The following MPG variants were observed in gnomAD, a reference collection of about 807,000 sequenced individuals.
MPG encodes the protein DNA-3-methyladenine glycosylase.
In MPG, 33 loss-of-function variants were observed where a neutral mutation model predicts 31.7. That is an observed-to-expected ratio of 1.04 (90% CI 0.79 to 1.39). The LOEUF (loss-of-function observed/expected upper bound fraction) is 1.39, where lower values mean the gene tolerates loss of function less well. MPG is among the 40% of genes most tolerant of loss of function. The pLI is 0.00. For missense variants in MPG, 455 were observed against 415.5 expected, an observed-to-expected ratio of 1.10 and a Z score of -0.83; for synonymous variants, 202 against 169.2, an observed-to-expected ratio of 1.19 and a Z score of -1.51.
chr16:85,391 C>T lies in MPG; in HGVS notation c.506-10C>T, dbSNP rs375910503. 21 of 1,591,154 alleles carry T rather than the reference C, an allele frequency of 1.3e-5. No individual in the cohort carries two copies. In the East Asian group the frequency reaches 2.5e-4, roughly 19 times the overall value. ...AGGGAGGCTCCACTTCCAAACTGTC[C>T]GTCCCACAGGGGACGGGGCTTGCGT... On this transcript the variant is annotated splice_polypyrimidine_tract_variant and intron_variant, in intron 3 of 3. Coordinates refer to ENST00000356432, the MANE Select transcript of MPG (RefSeq NM_001015052.3).
At chr16:79,070 G>T in intron 1 of MPG, 1 of 1,437,846 alleles carries the variant, frequency 7.0e-7, no homozygotes, top group Non-Finnish European at 9.1e-7. Flanking sequence ...CTTGGGACCT[G>T]CATGATGAGT....
In MPG at chr16:85,775, T is replaced by C; in HGVS notation, c.880T>C (p.Ter294ArgextTer13). 6.7e-7 allele frequency: 1 copy of C among 1,495,274 alleles called. No homozygotes were observed. Among genetic ancestry groups the C allele is most frequent in the African/African-American group, 1.4e-5 (1 of 71,350 alleles). The allele number at this position is 1,495,274 out of a possible 1,614,324, so 92.6% of individuals were successfully genotyped here. Reference sequence around the variant, plus strand: ...AGTGGCTGAGCAGGACACACAGGCCTGAGCAAAGGGCCTGCCCAGACAAGA... The same window carrying C: ...AGTGGCTGAGCAGGACACACAGGCCCGAGCAAAGGGCCTGCCCAGACAAGA... ...DRVAEQDTQA[*>R] The change falls in exon 4 of 4, where the codon TGA becomes CGA. Residue 294 changes from the stop codon to arginine, a stop_lost. Coordinates refer to ENST00000356432, the MANE Select transcript of MPG (RefSeq NM_001015052.3).
At chr16:81,628 CACT>C (rs1898239830) in intron 2 of MPG, among the ~76,000 whole-genome samples, 4 of 147,026 alleles carry the variant, frequency 2.7e-5, no homozygotes, top group African/African-American at 5.4e-5. Context: ...ATGCTCCCCA[CACT>C]GACCCCTTCT....
At chr16:82,753 A>G (rs184069239) in intron 2 of MPG, among the ~76,000 whole-genome samples, 1 of 152,064 alleles carries the variant, frequency 6.6e-6, no homozygotes, top group Non-Finnish European at 1.5e-5. Context: ...AGAGGACTTG[A>G]CCTGCAAGGT....
In MPG at chr16:78,253, G is replaced by C; in HGVS notation, c.-57G>C. 7.3e-7 allele frequency: 1 copy of C among 1,364,974 alleles called. No individual in the cohort carries two copies. The highest frequency in any genetic ancestry group is 9.5e-7 in the Non-Finnish European group (1 of 1,054,654). The allele number at this position is 1,364,974 out of a possible 1,614,324, so 84.6% of individuals were successfully genotyped here. ...CCTAGGGGTGCTTCCGTGGTCGGCG[G>C]CTGCTGGGCTCCGCGCCGGGGTCCG... On this transcript the variant is annotated 5_prime_UTR_variant, in exon 1 of 4. Transcript: ENST00000356432.
chr16:85,032 G>C (rs1898385230), intron 3 of MPG, among the ~76,000 whole-genome samples: 1 of 152,242 alleles, frequency 6.6e-6, no homozygotes, highest in Non-Finnish European at 1.5e-5. Flanking sequence ...CACAAGACCA[G>C]GGGAAGCCAG....
At chr16:78,439 A>T in intron 1 of MPG, 106 bp downstream of exon 1, 1 of 997,426 alleles carries the variant, frequency 1.0e-6, no homozygotes, top group Non-Finnish European at 1.3e-6. Context: ...CGTAGCGCCC[A>T]CCGCCCCGAG....
chr16:82,368 C>T (rs1898274046), intron 2 of MPG, among the ~76,000 whole-genome samples: 1 of 152,180 alleles, frequency 6.6e-6, no homozygotes, highest in African/African-American at 2.4e-5. Context: ...GTCCAGCTGA[C>T]CTATCTGGCC....
chr16:79,558 G>A lies in MPG; in HGVS notation c.158G>A (p.Arg53Lys). The A allele has an allele frequency of 1.2e-6, 2 of 1,612,762 alleles. No homozygotes were observed. The highest frequency in any genetic ancestry group is 1.7e-6 in the Non-Finnish European group (2 of 1,179,858). Residue 53 changes from arginine to lysine, a missense_variant, in exon 2 of 4, where the codon AGG (arginine) becomes AAG (lysine). Transcript: ENST00000356432. ...SSDAAQAPCPRERCLGPPTTP... is the reference protein window; with the variant it reads ...SSDAAQAPCPKERCLGPPTTP... ...GATGCAGCCCAGGCACCTTGCCCCA[G>A]GGAGCGCTGCTTGGGACCGCCCACC...
chr16:85,388 G>C lies in MPG; in HGVS notation c.506-13G>C. On this transcript the variant is annotated splice_polypyrimidine_tract_variant and intron_variant, in intron 3 of 3. Coordinates refer to ENST00000356432, the MANE Select transcript of MPG (RefSeq NM_001015052.3). ...CCTAGGGAGGCTCCACTTCCAAACT[G>C]TCCGTCCCACAGGGGACGGGGCTTG... is the stretch of plus-strand genomic sequence containing the variant. The C allele has an allele frequency of 4.4e-6, 7 of 1,589,970 alleles. No individual in the cohort carries two copies. Among genetic ancestry groups the C allele is most frequent in the Non-Finnish European group, 3.4e-6 (4 of 1,167,514 alleles).
chr16:82,436 G>A (rs1247276597), intron 2 of MPG, among the ~76,000 whole-genome samples: 6 of 152,206 alleles, frequency 3.9e-5, no homozygotes, highest in African/African-American at 7.2e-5. Flanking sequence ...GTTAACTCTG[G>A]GGCTCCGAGC....
chr16:81,597 AT>A lies in MPG; in HGVS notation c.301-1454del, dbSNP rs1567124093. ...ACTGACCCCTTCTTCCCACCACCCT[AT>A]CTCCAGGAAGGCCTCCTGAATGCTC... On this transcript the variant is annotated intron_variant, in intron 2 of 3. Coordinates refer to ENST00000356432, the MANE Select transcript of MPG (RefSeq NM_001015052.3). Among the ~76,000 whole-genome samples, 1,008 of 150,116 alleles carry A rather than the reference AT, an allele frequency of 6.7e-3. 225 individuals carry two copies. Among genetic ancestry groups the A allele is most frequent in the African/African-American group, 0.024 (940 of 39,904 alleles).
intron 2 of MPG, 84 bp from the exon 3 acceptor site, chr16:82,968 G>A (rs746792308): frequency 1.4e-4 from 174 of 1,249,464 alleles, no homozygotes; most frequent in Admixed American, 3.6e-4. Flanking sequence ...CCCTGAGCTG[G>A]GGAGATGAGG....
Position 82,879 on chromosome 16 carries a change from T to C in MPG, c.301-173T>C, listed in dbSNP as rs368724269. ...ACAACTGGTGCCCTCAATAGCCACA[T>C]TCAGCCTCAGCAGGAGCAAGAGAAG... On this transcript the variant is annotated intron_variant, in intron 2 of 3. Coordinates refer to ENST00000356432, the MANE Select transcript of MPG (RefSeq NM_001015052.3). 3.6e-4 allele frequency among the ~76,000 whole-genome samples: 55 copies of C among 152,216 alleles called. 1 individual carries two copies. In the South Asian group the frequency reaches 0.01, roughly 29 times the overall value.
At chr16:85,135 T>C (rs1487157465) in intron 3 of MPG, among the ~76,000 whole-genome samples, 1 of 152,176 alleles carries the variant, frequency 6.6e-6, no homozygotes, top group East Asian at 1.9e-4. Context: ...TGCCTGGTGG[T>C]GGAAGCCAGA....
chr16:79,971 A>T, intron 2 of MPG: 1 of 545,944 alleles, frequency 1.8e-6, no homozygotes, highest in South Asian at 2.3e-5. Flanking sequence ...GGGCAGGAGC[A>T]CTTGCACCGT....
chr16:85,750 A>C lies in MPG; in HGVS notation c.855A>C (p.Arg285Ser). The C allele has an allele frequency of 6.6e-7, 1 of 1,512,956 alleles. No homozygotes were observed. The highest frequency in any genetic ancestry group is 8.9e-7 in the Non-Finnish European group (1 of 1,129,774). The allele number at this position is 1,512,956 out of a possible 1,614,324, so 93.7% of individuals were successfully genotyped here. A position where few individuals can be genotyped will look rare whatever the true frequency, so the allele number is the denominator to read the frequency against. ...GCCCCTGGGTCAGTGTGGTCGACAG[A>C]GTGGCTGAGCAGGACACACAGGCCT... ...RGSPWVSVVDRVAEQDTQA is the reference protein window; with the variant it reads ...RGSPWVSVVDSVAEQDTQA The change falls in exon 4 of 4, where the codon AGA becomes AGC. Residue 285 changes from arginine to serine, a missense_variant. Transcript: ENST00000356432.
intron 1 of MPG, among the ~76,000 whole-genome samples, chr16:78,626 A>G (rs1863140843): frequency 6.6e-6 from 1 of 152,038 alleles, no homozygotes. Flanking sequence ...TAACGTCAGC[A>G]CTCCCGTTAA....
rs3176383 is a variant in MPG at position 79,449 on chromosome 16, A to C, written c.49A>C (p.Lys17Gln). Residue 17 changes from lysine to glutamine, a missense_variant, in exon 2 of 4, where the codon AAG becomes CAG. Coordinates refer to ENST00000356432, the MANE Select transcript of MPG (RefSeq NM_001015052.3). ...AQFCRRMGQK[K>Q]QRPARAGQPH... is the part of the protein sequence containing the mutation. ...GTTTTGCCGACGGATGGGGCAAAAG[A>C]AGCAGCGACCAGCTAGAGCAGGGCA... 1,710 of 1,613,186 alleles carry C rather than the reference A, an allele frequency of 1.1e-3. 4 individuals carry two copies. The highest frequency in any genetic ancestry group is 1.2e-3 in the South Asian group (112 of 91,086).
Sources: allele counts gnomAD v4.1 joint callset (sites outside exome capture counted in the v4.1 genomes callset), GRCh38; gene constraint gnomAD v4.1.1; transcripts MANE v1.5; gene names NCBI Gene and HGNC (gene_info 2026-07-23, HGNC 2026-07-21).